PXYLP1: variants seen among roughly 807,000 people sequenced by gnomAD.
PXYLP1 encodes acid phosphatase-like 2.
A neutral mutation model predicts 37.9 loss-of-function variants in PXYLP1; 17 were observed. The ratio of observed to expected loss-of-function variants is 0.45; its 90% CI spans 0.31 to 0.67. The LOEUF (loss-of-function observed/expected upper bound fraction) is 0.67, where lower values mean the gene tolerates loss of function less well. Ranked by LOEUF, PXYLP1 falls within the 30% of genes least tolerant of loss-of-function variation. The pLI is 0.07. For missense variants in PXYLP1, 511 were observed against 612.0 expected (o/e 0.84, Z 1.74); for synonymous variants, 221 against 232.2 (o/e 0.95, Z 0.44).
chr3:141,262,459 T>C, intron 2 of PXYLP1: 1 of 716,876 alleles, frequency 1.4e-6, no homozygotes, highest in Non-Finnish European at 2.0e-6. Context: ...TGACAGGTTC[T>C]GAGACATGAA....
chr3:141,238,506 A>C (rs928336042), intron 1 of PXYLP1, among the ~76,000 whole-genome samples: 1 of 152,212 alleles, frequency 6.6e-6, no homozygotes, highest in African/African-American at 2.4e-5. Context: ...GGAATACTTC[A>C]TACCGATAAG....
rs889012720 is a variant in PXYLP1, at chr3:141,294,522, A to G, written c.*1317A>G. Reference sequence around the variant, plus strand: ...TAATGGTGCTAATTCAGAGAAATGGAAAGTGAAAGTGAGATTCTCTGTTGT... The same window carrying G: ...TAATGGTGCTAATTCAGAGAAATGGGAAGTGAAAGTGAGATTCTCTGTTGT... On this transcript the variant is annotated 3_prime_UTR_variant, in exon 6 of 6. Coordinates refer to ENST00000286353, the MANE Select transcript of PXYLP1 (RefSeq NM_001037172.3). The G allele has an allele frequency of 2.0e-5, 3 of 152,224 alleles. No homozygotes were observed. The South Asian group carries it at 6.2e-4, about 32-fold the overall frequency. The allele number at this position is 152,224 out of a possible 1,614,324, so 9.4% of individuals were successfully genotyped here.
chr3:141,287,460 G>T lies in PXYLP1; in HGVS notation c.505+7G>T. The T allele has an allele frequency of 6.2e-7, 1 of 1,613,468 alleles. No homozygotes were observed. The highest frequency in any genetic ancestry group is 8.5e-7 in the Non-Finnish European group (1 of 1,179,680). Reference sequence around the variant, plus strand: ...GGAGAGCTCACACAGACAGGTATGTGTGACCCCCATGCGCTCAGGGGTTCC... The same window carrying T: ...GGAGAGCTCACACAGACAGGTATGTTTGACCCCCATGCGCTCAGGGGTTCC... On this transcript the variant is annotated splice_region_variant and intron_variant, in intron 5 of 5. Coordinates refer to ENST00000286353, the MANE Select transcript of PXYLP1 (RefSeq NM_001037172.3).
At chr3:141,291,269 C>T (rs965127928) in intron 5 of PXYLP1, among the ~76,000 whole-genome samples, 2 of 151,180 alleles carry the variant, frequency 1.3e-5, no homozygotes, top group Non-Finnish European at 3.0e-5. Context: ...CAGATTGTGT[C>T]CCGTTACCTC....
At chr3:141,268,206 AGTGTGTGTGTGTGT>A (rs112453738) in intron 2 of PXYLP1, among the ~76,000 whole-genome samples, 4 of 51,430 alleles carry the variant, frequency 7.8e-5, no homozygotes, top group East Asian at 9.6e-4. Context: ...AGAGAGAGAG[AGTGTGTGTGTGTGT>A]GTGTGTGTGT....
At chr3:141,253,755 C>T (rs1941197503) in intron 1 of PXYLP1, among the ~76,000 whole-genome samples, 1 of 150,830 alleles carries the variant, frequency 6.6e-6, no homozygotes, top group South Asian at 2.1e-4. Context: ...AGATAATGAA[C>T]CCTCAAGGAT....
chr3:141,233,463 C>CCAAA (rs1158763652), intron 1 of PXYLP1, among the ~76,000 whole-genome samples: 53 of 79,376 alleles, frequency 6.7e-4, no homozygotes, highest in Non-Finnish European at 1.1e-3. Context: ...AAAACCCTGT[C>CCAAA]AAAAAAAAAA....
At position 141,293,365 on chromosome 3, in the gene PXYLP1, C is replaced by A; in HGVS notation, c.*160C>A. ...GATGGTTGGGGTTGAACAGTAAGCA[C>A]ATTGCTGCAATGTGGTACGTGAATT... On this transcript the variant is annotated 3_prime_UTR_variant, in exon 6 of 6. Transcript: ENST00000286353. 1 of 730,542 alleles carries A rather than the reference C, an allele frequency of 1.4e-6. No individual in the cohort carries two copies. Among genetic ancestry groups the A allele is most frequent in the Non-Finnish European group, 2.2e-6 (1 of 457,872 alleles). 45.3% of individuals were successfully genotyped at this position (730,542 alleles called of 1,614,324 possible). A position where few individuals can be genotyped will look rare whatever the true frequency, so the allele number is the denominator to read the frequency against.
At chr3:141,285,144 C>CTTTTTTTTTTTTTTTTTTTTTTTTTT (rs147495598) in intron 4 of PXYLP1, among the ~76,000 whole-genome samples, 3 of 78,764 alleles carry the variant, frequency 3.8e-5, no homozygotes, top group African/African-American at 8.7e-5. Flanking sequence ...TTTTCTTTTT[C>CTTTTTTTTTTTTTTTTTTTTTTTTTT]TTTTTTTTTT....
chr3:141,282,070 G>A (rs1248710998), intron 4 of PXYLP1, among the ~76,000 whole-genome samples: 1 of 152,072 alleles, frequency 6.6e-6, no homozygotes, highest in Non-Finnish European at 1.5e-5. Flanking sequence ...TGATCCAGAG[G>A]AGAGACTTCA....
chr3:141,284,683 A>G (rs1419331532), intron 4 of PXYLP1, among the ~76,000 whole-genome samples: 3 of 152,216 alleles, frequency 2.0e-5, no homozygotes, highest in Non-Finnish European at 4.4e-5. Flanking sequence ...TTATAACGCC[A>G]AACACAATGT....
chr3:141,247,918 C>CTCCCAAAT (rs1437249947), intron 1 of PXYLP1, among the ~76,000 whole-genome samples: 6 of 152,112 alleles, frequency 3.9e-5, no homozygotes, highest in Admixed American at 3.3e-4. Context: ...ACCACTTTGG[C>CTCCCAAAT]TCCCAAATTT....
At chr3:141,274,141 G>A (rs1239214914) in intron 2 of PXYLP1, 12 of 1,014,268 alleles carry the variant, frequency 1.2e-5, no homozygotes, top group Non-Finnish European at 1.4e-5. Context: ...CAGTGTCCTG[G>A]AGCAGTGTCT....
intron 4 of PXYLP1, among the ~76,000 whole-genome samples, chr3:141,287,027 A>C (rs1327794587): frequency 1.3e-5 from 2 of 152,210 alleles, no homozygotes; most frequent in African/African-American, 4.8e-5. Flanking sequence ...GCGAGCCCGG[A>C]AGGCAGCACA....
chr3:141,233,462 T>TC (rs1418466033), intron 1 of PXYLP1, among the ~76,000 whole-genome samples: 551 of 26,046 alleles, frequency 0.021, 10 homozygotes, highest in South Asian at 0.21. Context: ...CAAAACCCTG[T>TC]CAAAAAAAAA....
chr3:141,271,549 T>C (rs1161467277), intron 2 of PXYLP1, among the ~76,000 whole-genome samples: 1 of 152,134 alleles, frequency 6.6e-6, no homozygotes, highest in African/African-American at 2.4e-5. Flanking sequence ...CCCAGAGCAA[T>C]GGAGACAGAG....
chr3:141,254,144 C>T (rs980780504), intron 1 of PXYLP1, among the ~76,000 whole-genome samples: 3 of 152,086 alleles, frequency 2.0e-5, no homozygotes, highest in Non-Finnish European at 4.4e-5. Flanking sequence ...AACTCCTGTC[C>T]TCAAGTGATC....
At position 141,290,041 on chromosome 3, in the gene PXYLP1, T is replaced by A. The variant is rs549440807; in HGVS notation, c.506-2227T>A. ...TTCTCTTTTAATGGTCATTTTTATT[T>A]CTATTTTAAATATCATGAAAAATGC... On this transcript the variant is annotated intron_variant, in intron 5 of 5. Transcript: ENST00000286353. Among the ~76,000 whole-genome samples the A allele has an allele frequency of 3.9e-5, 6 of 152,388 alleles. No individual in the cohort carries two copies. In the South Asian group the frequency reaches 1.2e-3, roughly 32 times the overall value.
At chr3:141,242,266 C>G (rs1352697539) in intron 1 of PXYLP1, among the ~76,000 whole-genome samples, 1 of 152,206 alleles carries the variant, frequency 6.6e-6, no homozygotes, top group Admixed American at 6.5e-5. Flanking sequence ...CAAATGAGGG[C>G]TCGCCTTGCC....
Sources: allele counts gnomAD v4.1 joint callset (sites outside exome capture counted in the v4.1 genomes callset), GRCh38; gene constraint gnomAD v4.1.1; transcripts MANE v1.5; gene names NCBI Gene and HGNC (gene_info 2026-07-23, HGNC 2026-07-21).